Variants in YEATS2 observed in about 807,000 individuals in gnomAD.
YEATS2 encodes YEATS domain-containing protein 2.
A neutral mutation model predicts 163.2 loss-of-function variants in YEATS2; 77 were observed. That is an observed-to-expected ratio of 0.47 (90% CI 0.39 to 0.57). The LOEUF is 0.57. YEATS2 is among the 20% of genes least tolerant of loss of function. YEATS2 has a pLI of 0.00. For missense variants in YEATS2, 1,549 were observed against 1,729.8 expected, an observed-to-expected ratio of 0.90 and a Z score of 1.85; for synonymous variants, 631 against 645.1, an observed-to-expected ratio of 0.98 and a Z score of 0.33.
At chr3:183,754,386 CAG>C (rs752005186) in intron 11 of YEATS2, 21 bp downstream of exon 11, 30 of 1,606,142 alleles carry the variant, frequency 1.9e-5, no homozygotes, top group Non-Finnish European at 2.5e-5. Flanking sequence ...GTTTTGAAGA[CAG>C]TGTATGTGGA....
chr3:183,803,052 G>T (rs1487765270), intron 25 of YEATS2: 2 of 584,528 alleles, frequency 3.4e-6, no homozygotes, highest in Non-Finnish European at 6.1e-6. Context: ...GCCCAGGAAG[G>T]TGTGTTGCTT....
intron 1 of YEATS2, among the ~76,000 whole-genome samples, chr3:183,698,832 A>G (rs749032035): frequency 5.9e-5 from 9 of 152,208 alleles, no homozygotes; most frequent in African/African-American, 9.7e-5. Context: ...AGTAGAGGGT[A>G]TTCAGCGTAG....
At chr3:183,773,579 G>A in intron 16 of YEATS2, 54 bp from the exon 17 acceptor site, 1 of 1,497,254 alleles carries the variant, frequency 6.7e-7, no homozygotes, top group South Asian at 1.3e-5. Flanking sequence ...TAATTTTAGA[G>A]TGTTGCCCTT....
intron 8 of YEATS2, among the ~76,000 whole-genome samples, chr3:183,746,731 A>G (rs1304475124): frequency 6.6e-6 from 1 of 151,550 alleles, no homozygotes; most frequent in Non-Finnish European, 1.5e-5. Flanking sequence ...CTTCCATGGA[A>G]CCACTATTAA....
intron 25 of YEATS2, chr3:183,802,545 A>C (rs1197239611): frequency 1.3e-5 from 2 of 152,110 alleles, no homozygotes; most frequent in Non-Finnish European, 2.9e-5. Context: ...GTATATACAC[A>C]CACACATATT....
intron 9 of YEATS2, among the ~76,000 whole-genome samples, chr3:183,748,430 A>C (rs1029896235): frequency 1.2e-4 from 18 of 150,568 alleles, no homozygotes; most frequent in Admixed American, 1.2e-3. Context: ...TTTTGTATTC[A>C]TAGTAGAGAC....
At chr3:183,741,788 A>C (rs1718998144) in intron 8 of YEATS2, among the ~76,000 whole-genome samples, 1 of 152,046 alleles carries the variant, frequency 6.6e-6, no homozygotes, top group Non-Finnish European at 1.5e-5. Context: ...CTCAAAAAGA[A>C]AAAAAAGAGC....
chr3:183,752,428 G>A (rs767818662), intron 10 of YEATS2, among the ~76,000 whole-genome samples, 175 bp downstream of exon 10: 5 of 151,980 alleles, frequency 3.3e-5, no homozygotes, highest in African/African-American at 4.8e-5. Context: ...ATATTTTTCC[G>A]GCCGGGAGCT....
At chr3:183,785,647 C>A (rs745667874) in intron 19 of YEATS2, among the ~76,000 whole-genome samples, 2 of 152,026 alleles carry the variant, frequency 1.3e-5, no homozygotes, top group African/African-American at 2.4e-5. Context: ...CAGAGCAAGA[C>A]CCTGTCTCTA....
chr3:183,773,757 C>T lies in YEATS2; in HGVS notation c.2331C>T (p.Ile777=). The T allele has an allele frequency of 1.2e-6, 2 of 1,613,278 alleles. No homozygotes were observed. The highest frequency in any genetic ancestry group is 1.7e-6 in the Non-Finnish European group (2 of 1,179,750). Residue 777 remains isoleucine, a synonymous_variant, in exon 17 of 31, where the codon ATC becomes ATT. Transcript: ENST00000305135. ...CAGGAAAAGGAAAACTGCTGCTGATCCCTCAAGGAGCCATCCTGCGAGCTA... is the reference window on the plus strand; with the variant it reads ...CAGGAAAAGGAAAACTGCTGCTGATTCCTCAAGGAGCCATCCTGCGAGCTA... ...NPSGKGKLLL[I]PQGAILRATN...
intron 19 of YEATS2, among the ~76,000 whole-genome samples, chr3:183,783,497 C>T (rs1469614088): frequency 1.3e-5 from 2 of 152,164 alleles, no homozygotes; most frequent in Non-Finnish European, 2.9e-5. Flanking sequence ...CATGATTGAT[C>T]TTGTCACCCA....
chr3:183,750,397 A>T (rs1454671659), intron 9 of YEATS2, among the ~76,000 whole-genome samples: 1 of 152,222 alleles, frequency 6.6e-6, no homozygotes, highest in Non-Finnish European at 1.5e-5. Flanking sequence ...ACGTAGGTGT[A>T]CAGGTATCTA....
chr3:183,806,492 G>T (rs758778532), intron 27 of YEATS2: 2 of 432,826 alleles, frequency 4.6e-6, no homozygotes, highest in South Asian at 3.3e-5. Flanking sequence ...GAGAATAGGG[G>T]TGATTCTTTT....
intron 12 of YEATS2, 110 bp downstream of exon 12, chr3:183,756,799 ACGAGAAG>A (rs1720820304): frequency 1.2e-5 from 12 of 988,936 alleles, no homozygotes; most frequent in Non-Finnish European, 1.2e-5. Flanking sequence ...TCTCCCGTAA[ACGAGAAG>A]CGAGAATAAG....
At chr3:183,759,539 A>G (rs1369799158) in intron 13 of YEATS2, among the ~76,000 whole-genome samples, 1 of 152,168 alleles carries the variant, frequency 6.6e-6, no homozygotes, top group Non-Finnish European at 1.5e-5. Context: ...TGCTTATTAA[A>G]CTTTCTGCTC....
At position 183,724,620 on chromosome 3, in the gene YEATS2, C is replaced by A. The variant is rs565182436; in HGVS notation, c.650+89C>A. ...CTTACAGTGTTACAGTAGGAAGCAG[C>A]CTCAGGGATTCTTTTTCCCAAGCCC... On this transcript the variant is annotated intron_variant, in intron 6 of 30. Transcript: ENST00000305135. 3.5e-6 allele frequency: 3 copies of A among 869,118 alleles called. No homozygotes were observed. In the South Asian group the frequency reaches 6.2e-5, roughly 18 times the overall value. The allele number at this position is 869,118 out of a possible 1,614,324, so 53.8% of individuals were successfully genotyped here. A position where few individuals can be genotyped will look rare whatever the true frequency, so the allele number is the denominator to read the frequency against.
intron 1 of YEATS2, among the ~76,000 whole-genome samples, chr3:183,711,197 G>A (rs1359343586): frequency 1.3e-5 from 2 of 152,050 alleles, no homozygotes; most frequent in African/African-American, 2.4e-5. Context: ...ACAGCTGGGC[G>A]CAGTGGCTCA....
Position 183,756,702 on chromosome 3 carries a change from T to A in YEATS2, c.1552+13T>A. On this transcript the variant is annotated intron_variant, in intron 12 of 30. Transcript: ENST00000305135. ...ACTCCCAGTACAGGTGTGTATTAGATCCATATTTGTACCATCTAAAGGGTT... is the reference window on the plus strand; with the variant it reads ...ACTCCCAGTACAGGTGTGTATTAGAACCATATTTGTACCATCTAAAGGGTT... 1 of 1,500,410 alleles carries A rather than the reference T, an allele frequency of 6.7e-7. No homozygotes were observed. The highest frequency in any genetic ancestry group is 8.9e-7 in the Non-Finnish European group (1 of 1,123,306). The allele number at this position is 1,500,410 out of a possible 1,614,324, so 92.9% of individuals were successfully genotyped here.
intron 13 of YEATS2, among the ~76,000 whole-genome samples, chr3:183,760,106 C>G (rs545840258): frequency 2.0e-5 from 3 of 152,262 alleles, no homozygotes; most frequent in African/African-American, 7.2e-5. Flanking sequence ...CGAGGCTGTT[C>G]TCTAAGTTCT....
Sources: gnomAD v4.1 joint callset for allele counts (sites outside exome capture counted in the v4.1 genomes callset) on GRCh38, gnomAD v4.1.1 for gene constraint, MANE v1.5 for transcripts, NCBI Gene and HGNC (gene_info 2026-07-23, HGNC 2026-07-21) for gene names.